CFHR5: variants seen among roughly 807,000 people sequenced by gnomAD.
CFHR5 encodes complement factor H related 5, also known as complement factor H-related protein 5.
Under a neutral mutation model 62.9 loss-of-function variants are expected in CFHR5, and 73 were observed. The ratio of observed to expected loss-of-function variants is 1.16; its 90% CI spans 0.96 to 1.41. The LOEUF is 1.41. CFHR5 is among the 40% of genes most tolerant of loss of function. The pLI is 0.00. For missense variants in CFHR5, 779 were observed against 679.9 expected, an observed-to-expected ratio of 1.15 and a Z score of -1.62; for synonymous variants, 249 against 227.2, an observed-to-expected ratio of 1.10 and a Z score of -0.86.
intron 1 of CFHR5, among the ~76,000 whole-genome samples, chr1:196,981,493 T>A (rs1168744169): frequency 6.6e-6 from 1 of 151,606 alleles, no homozygotes; most frequent in African/African-American, 2.4e-5. Context: ...TAATAAAAAA[T>A]ATGTGTATAT....
intron 8 of CFHR5, among the ~76,000 whole-genome samples, chr1:197,003,450 G>A (rs1467226166): frequency 1.3e-5 from 2 of 151,988 alleles, no homozygotes; most frequent in African/African-American, 4.8e-5. Flanking sequence ...CTCACACAAG[G>A]AAAAAAGAGC....
upstream of CFHR5, among the ~76,000 whole-genome samples, chr1:196,977,139 G>C (rs1653415886): frequency 6.6e-6 from 1 of 151,932 alleles, no homozygotes; most frequent in Admixed American, 6.6e-5. Flanking sequence ...ACCTTTTATA[G>C]TTTATGAAAT....
chr1:196,987,694 A>T (rs1442284664), intron 3 of CFHR5, among the ~76,000 whole-genome samples: 3 of 152,058 alleles, frequency 2.0e-5, no homozygotes, highest in African/African-American at 7.3e-5. Flanking sequence ...GTTATTTCTG[A>T]GGCCTCTGTT....
In CFHR5 at chr1:196,977,671, C is replaced by G. The variant is rs1379926072; in HGVS notation, c.7C>G (p.Leu3Val). MLLLFSVILISWV... is the reference protein window; with the variant it reads MLVLFSVILISWV... ...ACGATTGAGACTACCAAGCATGTTG[C>G]TCTTATTCAGTGTAATCCTAATCTC... The change falls in exon 1 of 10, where the codon CTC becomes GTC. Residue 3 changes from leucine to valine, a missense_variant. Coordinates refer to ENST00000256785, the MANE Select transcript of CFHR5 (RefSeq NM_030787.4). 6.2e-7 allele frequency: 1 copy of G among 1,612,376 alleles called. No homozygotes were observed. Among genetic ancestry groups the G allele is most frequent in the Admixed American group, 1.7e-5 (1 of 60,020 alleles).
intron 9 of CFHR5, among the ~76,000 whole-genome samples, chr1:197,007,234 G>T (rs1654312740): frequency 6.6e-6 from 1 of 151,686 alleles, no homozygotes; most frequent in Admixed American, 6.6e-5. Context: ...CCCTGGCAGA[G>T]ATAGATTAGA....
chr1:196,995,956 A>G, intron 5 of CFHR5, 57 bp downstream of exon 5: 2 of 1,592,166 alleles, frequency 1.3e-6, no homozygotes, highest in South Asian at 1.1e-5. Context: ...ACTTATATAT[A>G]AATACACATG....
chr1:197,004,216 T>C (rs949668762), intron 8 of CFHR5, among the ~76,000 whole-genome samples: 2 of 152,140 alleles, frequency 1.3e-5, no homozygotes, highest in African/African-American at 4.8e-5. Context: ...TATTATTTGG[T>C]ATCAAAAAAG....
At chr1:196,977,451 ATAT>A, upstream of CFHR5, 1 of 596,706 alleles carries the variant, frequency 1.7e-6, no homozygotes. Context: ...CGAGCTGAGA[ATAT>A]TATTGTGAAG....
At position 196,984,142 on chromosome 1, in the gene CFHR5, G is replaced by A. The variant is rs752491168; in HGVS notation, c.430+5G>A. The stretch of plus-strand genomic sequence containing the variant: ...CTCCCATATGCAGCTTCACTAGTAA[G>A]CAAAATACCACTCTCTCAGTTTTGC... On this transcript the variant is annotated splice_donor_5th_base_variant and intron_variant, in intron 3 of 9. Coordinates refer to ENST00000256785, the MANE Select transcript of CFHR5 (RefSeq NM_030787.4). The A allele has an allele frequency of 1.2e-6, 2 of 1,610,394 alleles. No individual in the cohort carries two copies. Among genetic ancestry groups the A allele is most frequent in the Admixed American group, 1.7e-5 (1 of 59,948 alleles).
chr1:196,981,757 A>G (rs1202866212), intron 1 of CFHR5, among the ~76,000 whole-genome samples: 2 of 152,034 alleles, frequency 1.3e-5, no homozygotes, highest in Non-Finnish European at 2.9e-5. Flanking sequence ...GTATTTGCAT[A>G]TAACATATGC....
upstream of CFHR5, among the ~76,000 whole-genome samples, chr1:196,976,448 A>T (rs371874350): frequency 1.3e-5 from 2 of 152,052 alleles, no homozygotes; most frequent in African/African-American, 2.4e-5. Flanking sequence ...CCAGCAGGGG[A>T]GCAGAGCTTC....
chr1:196,987,313 C>T (rs1409413422), intron 3 of CFHR5, among the ~76,000 whole-genome samples: 1 of 151,910 alleles, frequency 6.6e-6, no homozygotes, highest in Non-Finnish European at 1.5e-5. Flanking sequence ...CTGTACGTTG[C>T]CTGTTCACTC....
At position 196,977,602 on chromosome 1, in the gene CFHR5, G is replaced by A; in HGVS notation, c.-63G>A. The A allele has an allele frequency of 1.5e-6, 2 of 1,300,400 alleles. No homozygotes were observed. The highest frequency in any genetic ancestry group is 2.2e-6 in the Non-Finnish European group (2 of 894,546). 80.6% of individuals were successfully genotyped at this position (1,300,400 alleles called of 1,614,324 possible). ...ATGCTTGTAACTGTTAATGAAAGCA[G>A]ATTTAAAGCAACACCACCATCACTG... On this transcript the variant is annotated 5_prime_UTR_variant, in exon 1 of 10. Transcript: ENST00000256785.
At chr1:196,997,547 A>AG (rs1654026907) in intron 6 of CFHR5, among the ~76,000 whole-genome samples, 1 of 152,112 alleles carries the variant, frequency 6.6e-6, no homozygotes, top group South Asian at 2.1e-4. Flanking sequence ...TACTTAGACA[A>AG]GCAAGAGGCT....
intron 1 of CFHR5, among the ~76,000 whole-genome samples, chr1:196,980,591 CGTGTGT>C (rs57437038): frequency 0.094 from 13,683 of 145,368 alleles, 695 homozygotes; most frequent in African/African-American, 0.12. Flanking sequence ...TGTATATATA[CGTGTGT>C]GTGTGTGTGT....
upstream of CFHR5, among the ~76,000 whole-genome samples, chr1:196,976,034 G>A (rs1653388701): frequency 6.6e-6 from 1 of 152,136 alleles, no homozygotes; most frequent in African/African-American, 2.4e-5. Context: ...ATTTAGTAGA[G>A]TAAGTGAGCT....
intron 3 of CFHR5, 129 bp from the exon 4 acceptor site, chr1:196,993,950 GT>G: frequency 1.4e-6 from 1 of 729,918 alleles, no homozygotes; most frequent in Non-Finnish European, 2.3e-6. Context: ...TAGTCTATAT[GT>G]TTTCTCGAAG....
chr1:196,983,053 G>A lies in CFHR5; in HGVS notation c.227G>A (p.Gly76Glu). 2 of 1,614,018 alleles carry A rather than the reference G, an allele frequency of 1.2e-6. No individual in the cohort carries two copies. The highest frequency in any genetic ancestry group is 1.7e-6 in the Non-Finnish European group (2 of 1,180,008). The change falls in exon 2 of 10, where the codon GGA (glycine) becomes GAA (glutamate). Residue 76 changes from glycine to glutamate, a missense_variant. By Grantham distance (98) the Gly-to-Glu change is moderately conservative. Transcript: ENST00000256785. ...FWTRITCTEE[G>E]WSPTPKCLRM... ...ACTCGCATAACATGCACAGAAGAAG[G>A]ATGGTCACCAACACCGAAGTGTCTC...
intron 4 of CFHR5, 49 bp from the exon 5 acceptor site, chr1:196,995,668 C>T: frequency 6.6e-7 from 1 of 1,512,246 alleles, no homozygotes; most frequent in Non-Finnish European, 9.2e-7. Context: ...CCACATTTTT[C>T]TATACTTATA....
Sources: gnomAD v4.1 joint callset for allele counts (sites outside exome capture counted in the v4.1 genomes callset) on GRCh38, gnomAD v4.1.1 for gene constraint, MANE v1.5 for transcripts, NCBI Gene and HGNC (gene_info 2026-07-23, HGNC 2026-07-21) for gene names.